The following SHANK2 variants were observed in gnomAD, a reference collection of about 807,000 sequenced individuals.
The protein encoded by SHANK2 is SH3 and multiple ankyrin repeat domains 2, also known as SH3 and multiple ankyrin repeat domains protein 2.
In SHANK2, 43 loss-of-function variants were observed where a neutral mutation model predicts 133.7. The observed-to-expected ratio is 0.32, with a 90% CI of 0.25 to 0.41. The LOEUF (loss-of-function observed/expected upper bound fraction) is 0.41, where lower values mean the gene tolerates loss of function less well. Ranked by LOEUF, SHANK2 falls within the 10% of genes least tolerant of loss-of-function variation. The pLI is 1.00. For missense variants in SHANK2, 1,994 were observed against 2,235.8 expected (o/e 0.89, Z 2.18); for synonymous variants, 1,017 against 952.8 (o/e 1.07, Z -1.24).
intron 14 of SHANK2, among the ~76,000 whole-genome samples, chr11:70,764,887 G>A (rs1458623036): frequency 2.6e-5 from 4 of 152,242 alleles, no homozygotes; most frequent in Non-Finnish European, 5.9e-5. Flanking sequence ...ATTAGCACCT[G>A]TTTTATGCCA....
chr11:70,591,303 G>C (rs2060317585), intron 17 of SHANK2, among the ~76,000 whole-genome samples: 1 of 151,742 alleles, frequency 6.6e-6, no homozygotes, highest in Non-Finnish European at 1.5e-5. Context: ...AGTGAGCAGA[G>C]ATCATGCCAC....
chr11:70,924,353 C>A (rs1487398255), intron 10 of SHANK2, among the ~76,000 whole-genome samples: 2 of 151,736 alleles, frequency 1.3e-5, no homozygotes, highest in African/African-American at 4.8e-5. Flanking sequence ...CTCCTAGGAT[C>A]TCGGGGCCGG....
At chr11:70,557,783 C>A (rs147902967) in intron 17 of SHANK2, among the ~76,000 whole-genome samples, 1 of 152,176 alleles carries the variant, frequency 6.6e-6, no homozygotes, top group Non-Finnish European at 1.5e-5. Flanking sequence ...TGGGCCTGCA[C>A]GTTTCCAACG....
chr11:71,086,881 C>G (rs1403553497), intron 8 of SHANK2, among the ~76,000 whole-genome samples: 1 of 152,158 alleles, frequency 6.6e-6, no homozygotes, highest in Non-Finnish European at 1.5e-5. Flanking sequence ...AGAGGAGGCT[C>G]GCGAAGGCAA....
chr11:70,551,032 A>G (rs1381020420), intron 17 of SHANK2, among the ~76,000 whole-genome samples: 3 of 152,138 alleles, frequency 2.0e-5, no homozygotes, highest in Admixed American at 2.0e-4. Context: ...CCAAGCGGGG[A>G]GGGCCAAGGG....
rs145722630 is a variant in SHANK2 at position 70,601,933 on chromosome 11, C to T, written c.2061+57895G>A. Reference sequence around the variant, plus strand: ...AGACCTGCCACCCAGGTGGCTGGAACGCAGCTGATACAGTTTGGATATTTA... The same window carrying T: ...AGACCTGCCACCCAGGTGGCTGGAATGCAGCTGATACAGTTTGGATATTTA... On this transcript the variant is annotated intron_variant, in intron 17 of 25. Coordinates refer to ENST00000601538, the MANE Select transcript of SHANK2 (RefSeq NM_012309.5). 1.1e-4 allele frequency among the ~76,000 whole-genome samples: 16 copies of T among 152,294 alleles called. No individual in the cohort carries two copies. In the East Asian group the frequency reaches 2.5e-3, roughly 24 times the overall value.
intron 14 of SHANK2, among the ~76,000 whole-genome samples, chr11:70,788,143 C>A (rs79932686): frequency 0.015 from 2,243 of 152,242 alleles, 26 homozygotes; most frequent in Non-Finnish European, 0.022. Flanking sequence ...CAGAAGCTGA[C>A]CTAGTGTTGA....
chr11:70,835,984 C>T (rs782333453), intron 11 of SHANK2, among the ~76,000 whole-genome samples: 1 of 152,194 alleles, frequency 6.6e-6, no homozygotes, highest in Non-Finnish European at 1.5e-5. Context: ...CTCTCCCTGT[C>T]TCAAGCCACA....
At chr11:71,085,732 T>TTATATTATATA (rs1951386144) in intron 8 of SHANK2, among the ~76,000 whole-genome samples, 1 of 52,740 alleles carries the variant, frequency 1.9e-5, no homozygotes, top group Non-Finnish European at 3.3e-5. Context: ...ATATAAAATA[T>TTATATTATATA]AATATATTAT....
rs961075459 is a variant in SHANK2, at chr11:71,061,702, C to T, written c.1030-5144G>A. On this transcript the variant is annotated intron_variant, in intron 9 of 25. Coordinates refer to ENST00000601538, the MANE Select transcript of SHANK2 (RefSeq NM_012309.5). ...CCAAGTCCCAGGCACATGGGCCCAT[C>T]GGGGTGTCACCGGGAACCTGGGAAT... is the stretch of plus-strand genomic sequence containing the variant. Among the ~76,000 whole-genome samples, 1,391 of 152,256 alleles carry T rather than the reference C, an allele frequency of 9.1e-3. 20 individuals carry two copies. Among genetic ancestry groups the T allele is most frequent in the African/African-American group, 0.032 (1,325 of 41,542 alleles).
rs1029871639 is a variant in SHANK2 at position 71,113,304 on chromosome 11, G to A, written c.472C>T (p.Leu158Phe). Reference protein sequence around the residue: ...ASLDEKQLAKLHTKTNLKKCM... With the variant: ...ASLDEKQLAKFHTKTNLKKCM... ...CGTTCCCTGCATACCTTCGTGTGGA[G>A]CTTGGCCAACTGTTTCTCATCGAGA... The change falls in exon 5 of 26, where the codon CTC becomes TTC. Residue 158 changes from leucine to phenylalanine, a missense_variant. Physicochemically the swap from Leu to Phe is conservative, Grantham distance 22. Coordinates refer to ENST00000601538, the MANE Select transcript of SHANK2 (RefSeq NM_012309.5). 40 of 1,551,628 alleles carry A rather than the reference G, an allele frequency of 2.6e-5. No homozygotes were observed. Among genetic ancestry groups the A allele is most frequent in the East Asian group, 1.5e-4 (6 of 40,920 alleles).
chr11:70,542,438 G>T (rs1554975371), intron 17 of SHANK2, among the ~76,000 whole-genome samples: 2 of 151,390 alleles, frequency 1.3e-5, no homozygotes, highest in African/African-American at 4.9e-5. Context: ...AGAGCCTAGA[G>T]GGGGCTCATG....
chr11:70,775,364 G>A (rs1000914817), intron 14 of SHANK2, among the ~76,000 whole-genome samples: 20 of 152,176 alleles, frequency 1.3e-4, no homozygotes, highest in Non-Finnish European at 2.2e-4. Flanking sequence ...GGTGAGGCAG[G>A]AGAATCGCTT....
chr11:70,757,260 G>A (rs1555039135), intron 14 of SHANK2, among the ~76,000 whole-genome samples: 1 of 152,156 alleles, frequency 6.6e-6, no homozygotes, highest in Non-Finnish European at 1.5e-5. Context: ...GGCTGACCTT[G>A]AGCAAGGGGC....
intron 8 of SHANK2, among the ~76,000 whole-genome samples, chr11:71,083,485 G>A (rs1463102707): frequency 6.6e-6 from 1 of 152,164 alleles, no homozygotes; most frequent in Non-Finnish European, 1.5e-5. Context: ...AGAGAGGGTG[G>A]GGCACTTGCT....
intron 11 of SHANK2, among the ~76,000 whole-genome samples, chr11:70,881,605 A>G (rs1949662430): frequency 6.8e-6 from 1 of 147,754 alleles, no homozygotes; most frequent in Admixed American, 6.8e-5. Context: ...ATAATAGTAA[A>G]CTCCAGGGGG....
rs1483270529 is a variant in SHANK2, at chr11:71,063,420, ATG to A, written c.1030-6864_1030-6863del. Among the ~76,000 whole-genome samples, 129 of 152,316 alleles carry A rather than the reference ATG, an allele frequency of 8.5e-4. 1 individual carries two copies. The highest frequency in any genetic ancestry group is 3.0e-3 in the African/African-American group (124 of 41,562). On this transcript the variant is annotated intron_variant, in intron 9 of 25. Transcript: ENST00000601538. The stretch of plus-strand genomic sequence containing the variant: ...CTCCATGTATGTATGCATATCACAC[ATG>A]TGTCTGTGTACACGTGTGTGAACAT...
At chr11:70,521,008 T>C (rs571425702) in intron 17 of SHANK2, among the ~76,000 whole-genome samples, 6 of 152,340 alleles carry the variant, frequency 3.9e-5, no homozygotes, top group African/African-American at 1.4e-4. Flanking sequence ...GAGCAGCCCT[T>C]CCTCACACTG....
intron 14 of SHANK2, among the ~76,000 whole-genome samples, chr11:70,773,746 G>C (rs1181699455): frequency 6.6e-6 from 1 of 152,072 alleles, no homozygotes; most frequent in Non-Finnish European, 1.5e-5. Context: ...TAGTTATTAG[G>C]GGAATGCAAA....
Sources: allele counts gnomAD v4.1 joint callset (sites outside exome capture counted in the v4.1 genomes callset), GRCh38; gene constraint gnomAD v4.1.1; transcripts MANE v1.5; gene names NCBI Gene and HGNC (gene_info 2026-07-23, HGNC 2026-07-21).